CD83: variants seen among roughly 807,000 people sequenced by gnomAD.
The protein encoded by CD83 is CD83 molecule.
CD83 carries 22 observed loss-of-function variants against 24.6 expected under a neutral mutation model. The ratio of observed to expected loss-of-function variants is 0.90; its 90% CI spans 0.64 to 1.28. The LOEUF is 1.28. CD83 is among the 50% of genes most tolerant of loss of function. The probability of loss-of-function intolerance (pLI) is 0.00; values close to 1 mark genes in which losing one functional copy is unlikely to be tolerated. For synonymous variants in CD83, 101 were observed against 103.5 expected, an observed-to-expected ratio of 0.98 and a Z score of 0.14; for missense variants, 253 against 252.8, an observed-to-expected ratio of 1.00 and a Z score of -0.01.
chr6:14,118,130 TCCC>T (rs1759584444), intron 2 of CD83, 65 bp downstream of exon 2: 1 of 1,195,600 alleles, frequency 8.4e-7, no homozygotes, highest in Admixed American at 2.4e-5. Context: ...AGGAACCATC[TCCC>T]CTAGGCTGGC....
intron 3 of CD83, 28 bp from the exon 4 acceptor site, chr6:14,133,621 G>T: frequency 6.9e-7 from 1 of 1,454,272 alleles, no homozygotes; most frequent in Non-Finnish European, 9.5e-7. Context: ...TGTTAAAATG[G>T]CTTCACATGT....
rs367556018 is a variant in CD83, at chr6:14,129,833, C to CTCTGTGTGTGTGTG, written c.154-1686_154-1685insCTGTGTGTGTGTGT. On this transcript the variant is annotated intron_variant, in intron 2 of 4. Transcript: ENST00000379153. The surrounding 1 kb of genome is among the most constrained non-coding windows in gnomAD (Gnocchi z 4.3). The stretch of plus-strand genomic sequence containing the variant: ...GAATTAATAAATGAAGCAGAAATGA[C>CTCTGTGTGTGTGTG]TGTGTGTGTGTGTGTGTGTGTGTGT... 3.2e-3 allele frequency among the ~76,000 whole-genome samples: 479 copies of CTCTGTGTGTGTGTG among 147,802 alleles called. 6 individuals carry two copies. The highest frequency in any genetic ancestry group is 0.011 in the African/African-American group (456 of 40,390).
At chr6:14,130,846 T>C (rs531150947) in intron 2 of CD83, among the ~76,000 whole-genome samples, 130 of 152,306 alleles carry the variant, frequency 8.5e-4, no homozygotes, top group African/African-American at 3.0e-3. Flanking sequence ...TGCCCTTCCA[T>C]GTGGAGTTTG....
intron 4 of CD83, among the ~76,000 whole-genome samples, 170 bp from the exon 5 acceptor site, chr6:14,134,938 C>T (rs1039766064): frequency 6.6e-5 from 10 of 152,252 alleles, no homozygotes; most frequent in Non-Finnish European, 5.9e-5. Flanking sequence ...AGTTTAGAGA[C>T]GCCAGTGAAA....
At chr6:14,124,536 G>C (rs1759741522) in intron 2 of CD83, among the ~76,000 whole-genome samples, 1 of 152,158 alleles carries the variant, frequency 6.6e-6, no homozygotes, top group African/African-American at 2.4e-5. Flanking sequence ...CAAGGAGTGG[G>C]AGGCATGTAA....
intron 2 of CD83, among the ~76,000 whole-genome samples, chr6:14,128,874 AAAATGAATTCTCTGCAAATAGGCAGAAG>A: frequency 1.3e-5 from 2 of 152,344 alleles, no homozygotes; most frequent in African/African-American, 4.8e-5. Context: ...GCTGATTTTT[AAAATGAATTCTCTGCAAATAGGCAGAAG>A]TTACTGCCAG....
intron 2 of CD83, among the ~76,000 whole-genome samples, chr6:14,118,697 A>G (rs527625775): frequency 6.6e-6 from 1 of 152,290 alleles, no homozygotes; most frequent in African/African-American, 2.4e-5. Context: ...CCGCATGTGT[A>G]AGAACAGGCC....
intron 2 of CD83, among the ~76,000 whole-genome samples, chr6:14,121,250 G>A (rs1401131048): frequency 6.6e-6 from 1 of 151,972 alleles, no homozygotes; most frequent in East Asian, 1.9e-4. Flanking sequence ...GCTCACTGCA[G>A]CCTCGACTTC....
intron 2 of CD83, among the ~76,000 whole-genome samples, chr6:14,128,085 G>C (rs1320815098): frequency 2.0e-5 from 3 of 152,232 alleles, no homozygotes; most frequent in African/African-American, 4.8e-5. Context: ...TTAAAGAGCT[G>C]TTCTTGCCAG....
intron 3 of CD83, among the ~76,000 whole-genome samples, chr6:14,133,110 G>A (rs1344360560): frequency 6.6e-6 from 1 of 152,222 alleles, no homozygotes; most frequent in Non-Finnish European, 1.5e-5. Flanking sequence ...AAAATCTGTT[G>A]ACGTATTTGG....
chr6:14,128,419 A>C (rs1263663966), intron 2 of CD83, among the ~76,000 whole-genome samples: 1 of 152,226 alleles, frequency 6.6e-6, no homozygotes, highest in East Asian at 1.9e-4. Flanking sequence ...GCTGGGGGTC[A>C]CAAGAGAAAG....
intron 2 of CD83, among the ~76,000 whole-genome samples, chr6:14,121,884 G>A (rs1369844900): frequency 6.6e-6 from 1 of 152,166 alleles, no homozygotes; most frequent in Non-Finnish European, 1.5e-5. Flanking sequence ...GATGACTTTG[G>A]TTGGAGTACT....
rs2235368 is a variant in CD83 at position 14,117,907 on chromosome 6, C to G, written c.38-43C>G. ...CCCCCGCCCCTCCACGACACCCCCT[C>G]CCGTCGGTCGCTTGCTCACGACGCG... On this transcript the variant is annotated intron_variant, in intron 1 of 4. Coordinates refer to ENST00000379153, the MANE Select transcript of CD83 (RefSeq NM_004233.4). This position sits in a 1 kb window ranked among gnomAD's most constrained non-coding sequence, Gnocchi z 4.6. The G allele has an allele frequency of 0.2, 322,152 of 1,582,080 alleles. 36,911 individuals are homozygous for G. Among genetic ancestry groups the G allele is most frequent in the African/African-American group, 0.48 (35,612 of 74,482 alleles).
In CD83 at chr6:14,131,708, G is replaced by A. The variant is rs1242558522; in HGVS notation, c.342G>A (p.Gly114=). 6.2e-7 allele frequency: 1 copy of A among 1,614,142 alleles called. No homozygotes were observed. Among genetic ancestry groups the A allele is most frequent in the East Asian group, 2.2e-5 (1 of 44,880 alleles). ...TYRCTLQDPD[G]QRNLSGKVIL... Reference sequence around the variant, plus strand: ...GGTGCACTCTGCAGGACCCGGATGGGCAGAGAAACCTAAGTGGCAAGGTGA... The same window carrying A: ...GGTGCACTCTGCAGGACCCGGATGGACAGAGAAACCTAAGTGGCAAGGTGA... The change falls in exon 3 of 5, where the codon GGG becomes GGA. Residue 114 remains glycine, a synonymous_variant. Transcript: ENST00000379153.
Position 14,117,917 on chromosome 6 carries a change from G to C in CD83, c.38-33G>C. On this transcript the variant is annotated intron_variant, in intron 1 of 4. Transcript: ENST00000379153. This position sits in a 1 kb window ranked among gnomAD's most constrained non-coding sequence, Gnocchi z 4.6. ...TCCACGACACCCCCTCCCGTCGGTC[G>C]CTTGCTCACGACGCGCTCTCTCTTT... 1 of 1,590,536 alleles carries C rather than the reference G, an allele frequency of 6.3e-7. No homozygotes were observed. Among genetic ancestry groups the C allele is most frequent in the Non-Finnish European group, 8.5e-7 (1 of 1,171,740 alleles).
chr6:14,128,114 C>G (rs1051630402), intron 2 of CD83, among the ~76,000 whole-genome samples: 20 of 152,166 alleles, frequency 1.3e-4, no homozygotes, highest in Non-Finnish European at 8.8e-5. Flanking sequence ...TTTGAGTGAG[C>G]TCCAATGTTT....
chr6:14,125,341 C>T (rs1759778812), intron 2 of CD83, among the ~76,000 whole-genome samples: 1 of 152,198 alleles, frequency 6.6e-6, no homozygotes, highest in Admixed American at 6.5e-5. Context: ...TACATAGCAG[C>T]CAGATCACAG....
At position 14,129,450 on chromosome 6, in the gene CD83, C is replaced by T. The variant is rs1361076620; in HGVS notation, c.154-2070C>T. On this transcript the variant is annotated intron_variant, in intron 2 of 4. Coordinates refer to ENST00000379153, the MANE Select transcript of CD83 (RefSeq NM_004233.4). This position sits in a 1 kb window ranked among gnomAD's most constrained non-coding sequence, Gnocchi z 4.3. ...AAAATGGTGCTAAATTAGATGTGTTCTGGAATCAGATGGACACTGTTAGTT... is the reference window on the plus strand; with the variant it reads ...AAAATGGTGCTAAATTAGATGTGTTTTGGAATCAGATGGACACTGTTAGTT... Among the ~76,000 whole-genome samples the T allele has an allele frequency of 6.6e-6, 1 of 152,212 alleles. No individual in the cohort carries two copies.
rs200908934 is a variant in CD83 at position 14,131,615 on chromosome 6, C to T, written c.249C>T (p.Asp83=). 379 of 1,614,094 alleles carry T rather than the reference C, an allele frequency of 2.3e-4. 3 individuals carry two copies. In the South Asian group the frequency reaches 3.6e-3, roughly 15 times the overall value. The change falls in exon 3 of 5, where the codon GAC becomes GAT. Residue 83 remains aspartate (D), a synonymous_variant. Coordinates refer to ENST00000379153, the MANE Select transcript of CD83 (RefSeq NM_004233.4). ...YHQKGQNGSF[D]APNERPYSLK... ...AGAAGGGGCAAAATGGTTCTTTCGA[C>T]GCCCCCAATGAAAGGCCCTATTCCC...
Sources: gnomAD v4.1 joint callset for allele counts (sites outside exome capture counted in the v4.1 genomes callset) on GRCh38, gnomAD v4.1.1 for gene constraint, Gnocchi (gnomAD v3.1) non-coding constraint, MANE v1.5 for transcripts, NCBI Gene and HGNC (gene_info 2026-07-23, HGNC 2026-07-21) for gene names.